Variants in SRPK2 observed in about 807,000 individuals in gnomAD.
The protein encoded by SRPK2 is SFRS protein kinase 2.
In SRPK2, 21 loss-of-function variants were observed where a neutral mutation model predicts 90.8. That is an observed-to-expected ratio of 0.23 (90% CI 0.16 to 0.33). SRPK2 has a LOEUF of 0.33. SRPK2 is among the 10% of genes least tolerant of loss of function. SRPK2 has a pLI of 1.00. For missense variants in SRPK2, 620 were observed against 869.0 expected (o/e 0.71, Z 3.60); for synonymous variants, 288 against 311.1 (o/e 0.93, Z 0.78).
At position 105,117,085 on chromosome 7, in the gene SRPK2, AC is replaced by A. The variant is rs1799700990; in HGVS notation, c.*752del. ...AAAAATATGCAAAATCACAAATGGGACTGCTAAATTATAATGCATATTTTAG... is the reference window on the plus strand; with the variant it reads ...AAAAATATGCAAAATCACAAATGGGATGCTAAATTATAATGCATATTTTAG... On this transcript the variant is annotated 3_prime_UTR_variant, in exon 16 of 16. Coordinates refer to ENST00000393651, the MANE Select transcript of SRPK2 (RefSeq NM_182692.3). 1 of 152,202 alleles carries A rather than the reference AC, an allele frequency of 6.6e-6. No homozygotes were observed. Among genetic ancestry groups the A allele is most frequent in the South Asian group, 2.1e-4 (1 of 4,828 alleles). The allele number at this position is 152,202 out of a possible 1,614,324, so 9.4% of individuals were successfully genotyped here.
chr7:105,385,752 T>C (rs1821503127), intron 2 of SRPK2, among the ~76,000 whole-genome samples: 1 of 152,230 alleles, frequency 6.6e-6, no homozygotes, highest in Admixed American at 6.5e-5. Flanking sequence ...CAGCTGGGCA[T>C]GTTACTTACT....
At chr7:105,292,811 T>C (rs190907124) in intron 2 of SRPK2, among the ~76,000 whole-genome samples, 11 of 152,338 alleles carry the variant, frequency 7.2e-5, no homozygotes, top group African/African-American at 2.6e-4. Context: ...CCTTAAACCA[T>C]CTATGGCACT....
intron 11 of SRPK2, among the ~76,000 whole-genome samples, chr7:105,138,093 G>A (rs1803151643): frequency 6.6e-6 from 1 of 152,208 alleles, no homozygotes; most frequent in Non-Finnish European, 1.5e-5. Flanking sequence ...AACAGGTATT[G>A]GGGATGGTAT....
chr7:105,368,576 A>G (rs1338123666), intron 2 of SRPK2, among the ~76,000 whole-genome samples: 1 of 152,124 alleles, frequency 6.6e-6, no homozygotes, highest in Admixed American at 6.6e-5. Flanking sequence ...CTAAAAAGAT[A>G]AGTGACTTTC....
chr7:105,376,687 A>G (rs190262253), intron 2 of SRPK2, among the ~76,000 whole-genome samples: 14 of 151,246 alleles, frequency 9.3e-5, no homozygotes, highest in Non-Finnish European at 1.6e-4. Context: ...ACAGGCGTGC[A>G]CCACCACTCC....
intron 2 of SRPK2, among the ~76,000 whole-genome samples, chr7:105,364,248 TC>T (rs1382276566): frequency 6.6e-6 from 1 of 152,102 alleles, no homozygotes; most frequent in Non-Finnish European, 1.5e-5. Flanking sequence ...GACAGTCTTC[TC>T]CAGCAGGAAT....
chr7:105,250,015 C>T (rs528236815), intron 2 of SRPK2, among the ~76,000 whole-genome samples: 12 of 152,122 alleles, frequency 7.9e-5, no homozygotes, highest in Non-Finnish European at 1.8e-4. Flanking sequence ...CTGAGCTAAG[C>T]GTTATTCTAC....
chr7:105,386,546 T>C (rs913339614), intron 2 of SRPK2, among the ~76,000 whole-genome samples: 2 of 151,082 alleles, frequency 1.3e-5, no homozygotes, highest in Non-Finnish European at 1.5e-5. Flanking sequence ...AAACCCCGTC[T>C]CTACTAAAAA....
intron 2 of SRPK2, among the ~76,000 whole-genome samples, chr7:105,245,141 T>G (rs373133742): frequency 3.3e-5 from 5 of 152,022 alleles, no homozygotes; most frequent in African/African-American, 7.2e-5. Context: ...ATAAAATTTG[T>G]GTCTATAGGC....
intron 2 of SRPK2, among the ~76,000 whole-genome samples, chr7:105,228,914 T>C (rs2129619224): frequency 6.6e-6 from 1 of 152,290 alleles, no homozygotes; most frequent in South Asian, 2.1e-4. Context: ...GGCGCCCCTG[T>C]TACAAGTCCA....
At chr7:105,327,079 A>G (rs79739917) in intron 2 of SRPK2, among the ~76,000 whole-genome samples, 5,185 of 151,998 alleles carry the variant, frequency 0.034, 321 homozygotes, top group African/African-American at 0.12. Flanking sequence ...AAAAAAAAAA[A>G]AAAAAAATTC....
At chr7:105,179,931 A>G (rs969362294) in intron 3 of SRPK2, among the ~76,000 whole-genome samples, 1 of 152,108 alleles carries the variant, frequency 6.6e-6, no homozygotes, top group African/African-American at 2.4e-5. Flanking sequence ...CAAAGAAATC[A>G]GAGATGATAC....
chr7:105,373,603 A>G (rs1819954658), intron 2 of SRPK2, among the ~76,000 whole-genome samples: 1 of 151,976 alleles, frequency 6.6e-6, no homozygotes, highest in African/African-American at 2.4e-5. Context: ...GGGTTTCGTC[A>G]TGTTGGCCAG....
intron 2 of SRPK2, among the ~76,000 whole-genome samples, chr7:105,312,668 C>T (rs1490623271): frequency 6.6e-6 from 1 of 152,164 alleles, no homozygotes; most frequent in Admixed American, 6.5e-5. Context: ...CCATAAGTCA[C>T]TTAATTCTTT....
intron 3 of SRPK2, among the ~76,000 whole-genome samples, chr7:105,197,416 G>A (rs763661485): frequency 1.2e-4 from 19 of 152,152 alleles, no homozygotes; most frequent in Non-Finnish European, 2.5e-4. Context: ...GAAAACGTGA[G>A]GCAGAAACAA....
Position 105,285,385 on chromosome 7 carries a change from CAA to C in SRPK2, c.72-81602_72-81601del, listed in dbSNP as rs58399129. 5.7e-3 allele frequency among the ~76,000 whole-genome samples: 602 copies of C among 106,116 alleles called. 2 individuals carry two copies. The highest frequency in any genetic ancestry group is 0.021 in the African/African-American group (570 of 27,532). 69.6% of individuals were successfully genotyped at this position (106,116 alleles called of 152,430 possible). On this transcript the variant is annotated intron_variant, in intron 2 of 15. Transcript: ENST00000393651. ...GGGCAACAGAGTGAGACCCCGTCTC[CAA>C]AAAAAAAAAAAAAAAAAAAAGGAAA...
At chr7:105,355,333 G>GA (rs113908560) in intron 2 of SRPK2, among the ~76,000 whole-genome samples, 3,191 of 147,340 alleles carry the variant, frequency 0.022, 48 homozygotes, top group African/African-American at 0.04. Flanking sequence ...TCATCTCTAC[G>GA]AAAAAAAAAA....
intron 2 of SRPK2, among the ~76,000 whole-genome samples, chr7:105,293,058 G>A (rs772328661): frequency 5.1e-4 from 77 of 152,220 alleles, no homozygotes; most frequent in Non-Finnish European, 9.7e-4. Flanking sequence ...CAAGGGGGAG[G>A]AGGGAGGGGG....
At chr7:105,265,721 T>A (rs1429480764) in intron 2 of SRPK2, among the ~76,000 whole-genome samples, 3 of 152,108 alleles carry the variant, frequency 2.0e-5, no homozygotes, top group Admixed American at 2.0e-4. Flanking sequence ...TCAAGATGAA[T>A]TCATTCATTC....
Sources: gnomAD v4.1 joint callset for allele counts (sites outside exome capture counted in the v4.1 genomes callset) on GRCh38, gnomAD v4.1.1 for gene constraint, MANE v1.5 for transcripts, NCBI Gene and HGNC (gene_info 2026-07-23, HGNC 2026-07-21) for gene names.